The following SFXN1 variants were observed in gnomAD, a reference collection of about 807,000 sequenced individuals.
SFXN1 encodes the protein sideroflexin-1.
Under a neutral mutation model 39.5 loss-of-function variants are expected in SFXN1, and 32 were observed. The observed-to-expected ratio is 0.81, with a 90% CI of 0.61 to 1.09. The LOEUF (loss-of-function observed/expected upper bound fraction) is 1.09. SFXN1 is among the 50% of genes least tolerant of loss of function. The pLI is 0.00. For missense variants in SFXN1, 402 were observed against 407.1 expected (o/e 0.99, Z 0.11); for synonymous variants, 136 against 146.5 (o/e 0.93, Z 0.52).
At chr5:175,511,766 C>G (rs1421548823) in intron 5 of SFXN1, among the ~76,000 whole-genome samples, 1 of 152,096 alleles carries the variant, frequency 6.6e-6, no homozygotes, top group Non-Finnish European at 1.5e-5. Flanking sequence ...AAATGTTCAC[C>G]CATCCTGACA....
chr5:175,493,255 A>G (rs1330753552), intron 2 of SFXN1, among the ~76,000 whole-genome samples: 2 of 151,700 alleles, frequency 1.3e-5, no homozygotes, highest in Admixed American at 6.6e-5. Context: ...GCGAAACTCC[A>G]TCTAAAAAAA....
intron 1 of SFXN1, among the ~76,000 whole-genome samples, chr5:175,489,958 T>C (rs1487112907): frequency 6.6e-6 from 1 of 152,222 alleles, no homozygotes; most frequent in Non-Finnish European, 1.5e-5. Context: ...TAGAGATTTT[T>C]CTCAGAAAAT....
At chr5:175,513,726 A>C in intron 7 of SFXN1, 136 bp downstream of exon 7, 1 of 867,554 alleles carries the variant, frequency 1.2e-6, no homozygotes, top group Non-Finnish European at 1.8e-6. Context: ...GAAAATAAAC[A>C]AGTAAATAAA....
At chr5:175,490,312 G>A (rs1034057213) in intron 1 of SFXN1, among the ~76,000 whole-genome samples, 6 of 152,170 alleles carry the variant, frequency 3.9e-5, no homozygotes, top group Non-Finnish European at 7.4e-5. Flanking sequence ...TAGGCTTCCC[G>A]TTAGCTTTGT....
At chr5:175,480,581 C>T (rs552214769) in intron 1 of SFXN1, among the ~76,000 whole-genome samples, 1 of 152,308 alleles carries the variant, frequency 6.6e-6, no homozygotes, top group East Asian at 1.9e-4. Flanking sequence ...AATTCAGGAT[C>T]AGTGAAGTGT....
At chr5:175,498,008 A>G (rs577044385) in intron 2 of SFXN1, among the ~76,000 whole-genome samples, 16 of 151,894 alleles carry the variant, frequency 1.1e-4, no homozygotes, top group Non-Finnish European at 2.4e-4. Flanking sequence ...TTGATAGATC[A>G]TCTAATCACA....
intron 6 of SFXN1, among the ~76,000 whole-genome samples, chr5:175,513,143 A>G (rs1190390813): frequency 1.3e-5 from 2 of 152,048 alleles, no homozygotes; most frequent in Non-Finnish European, 2.9e-5. Flanking sequence ...TCTACTAAAA[A>G]TACAAAAATT....
Position 175,519,805 on chromosome 5 carries a change from C to A in SFXN1, c.775-2114C>A, listed in dbSNP as rs139611937. Among the ~76,000 whole-genome samples the A allele has an allele frequency of 1.4e-3, 212 of 148,122 alleles. 4 individuals are homozygous for A. The highest frequency in any genetic ancestry group is 5.1e-3 in the African/African-American group (204 of 40,076). On this transcript the variant is annotated intron_variant, in intron 8 of 10. Transcript: ENST00000321442. ...TATGGGCAGTTGTATGTCAATAAAG[C>A]TATTAGATCACTGGGGAAGAAAGAA... is the stretch of plus-strand genomic sequence containing the variant.
chr5:175,498,712 T>G (rs1224534831), intron 2 of SFXN1, among the ~76,000 whole-genome samples: 1 of 152,074 alleles, frequency 6.6e-6, no homozygotes, highest in Non-Finnish European at 1.5e-5. Context: ...TAAAGCCTAC[T>G]GTATAGCTTT....
rs771042074 is a variant in SFXN1, at chr5:175,524,125, AATATATATATAT to A, written c.872+1738_872+1749del. The A allele has an allele frequency of 7.9e-3, 254 of 32,334 alleles. 1 individual carries two copies. The highest frequency in any genetic ancestry group is 0.023 in the African/African-American group (152 of 6,610). The allele number at this position is 32,334 out of a possible 1,614,324, so 2.0% of individuals were successfully genotyped here. A position where few individuals can be genotyped will look rare whatever the true frequency, so the allele number is the denominator to read the frequency against. ...TCTCAAAAAAAAAAAAAAAAAAAAAAATATATATATATATATATATATATATATATATATATA... is the reference window on the plus strand; with the variant it reads ...TCTCAAAAAAAAAAAAAAAAAAAAAAATATATATATATATATATATATATA... On this transcript the variant is annotated intron_variant, in intron 10 of 10. Coordinates refer to ENST00000321442, the MANE Select transcript of SFXN1 (RefSeq NM_022754.7).
intron 1 of SFXN1, among the ~76,000 whole-genome samples, chr5:175,482,052 A>C (rs957359373): frequency 6.6e-6 from 1 of 152,156 alleles, no homozygotes; most frequent in African/African-American, 2.4e-5. Context: ...CATGGTACTA[A>C]ATTTCTCCGA....
chr5:175,517,587 A>C (rs1482776884), intron 8 of SFXN1, among the ~76,000 whole-genome samples: 3 of 152,170 alleles, frequency 2.0e-5, no homozygotes, highest in African/African-American at 7.2e-5. Context: ...GTACCCATAC[A>C]TACCTACCAC....
Position 175,513,527 on chromosome 5 carries a change from G to A in SFXN1, c.661G>A (p.Ala221Thr), listed in dbSNP as rs753529247. 14 of 1,613,796 alleles carry A rather than the reference G, an allele frequency of 8.7e-6. No individual in the cohort carries two copies. The highest frequency in any genetic ancestry group is 1.6e-4 in the Middle Eastern group (1 of 6,084). ...GAACCGCTTGGGGGAGTCGGCGAAC[G>A]CTGCGAAACAAGCCATCACGCAAGT... Reference protein sequence around the residue: ...NGNRLGESANAAKQAITQVVV... With the variant: ...NGNRLGESANTAKQAITQVVV... Residue 221 changes from alanine to threonine, a missense_variant, in exon 7 of 11, where the codon GCT (alanine) becomes ACT (threonine). Coordinates refer to ENST00000321442, the MANE Select transcript of SFXN1 (RefSeq NM_022754.7).
At chr5:175,493,186 G>A (rs1276781087) in intron 2 of SFXN1, among the ~76,000 whole-genome samples, 2 of 152,044 alleles carry the variant, frequency 1.3e-5, no homozygotes, top group Non-Finnish European at 2.9e-5. Flanking sequence ...CCAGGAGGCA[G>A]AGCCGGCAGT....
chr5:175,490,134 T>C (rs1340028554), intron 1 of SFXN1, among the ~76,000 whole-genome samples: 2 of 152,208 alleles, frequency 1.3e-5, no homozygotes, highest in East Asian at 3.8e-4. Context: ...GCCAGCTTTC[T>C]ATGTCAAGAG....
chr5:175,500,129 A>G (rs560753399), intron 2 of SFXN1, among the ~76,000 whole-genome samples: 33 of 152,196 alleles, frequency 2.2e-4, no homozygotes, highest in Non-Finnish European at 4.6e-4. Context: ...TGGAGGTTGC[A>G]GTGAGCTGAG....
At chr5:175,505,571 A>AATAATAATAATAATAATT (rs1365757735) in intron 2 of SFXN1, among the ~76,000 whole-genome samples, 97 of 135,756 alleles carry the variant, frequency 7.1e-4, no homozygotes, top group Admixed American at 2.2e-3. Flanking sequence ...TAATAATAAT[A>AATAATAATAATAATAATT]ATTCTAAGGT....
chr5:175,506,113 C>G (rs535200655), intron 2 of SFXN1, among the ~76,000 whole-genome samples: 2 of 152,150 alleles, frequency 1.3e-5, no homozygotes, highest in Admixed American at 1.3e-4. Context: ...CCATTGTGCT[C>G]GGTCCACATT....
intron 1 of SFXN1, among the ~76,000 whole-genome samples, chr5:175,478,942 G>T (rs951569876): frequency 6.6e-6 from 1 of 152,126 alleles, no homozygotes; most frequent in South Asian, 2.1e-4. Context: ...GTCCCCGCGC[G>T]CCTGGCCGCG....
Sources: allele counts gnomAD v4.1 joint callset (sites outside exome capture counted in the v4.1 genomes callset), GRCh38; gene constraint gnomAD v4.1.1; transcripts MANE v1.5; gene names NCBI Gene and HGNC (gene_info 2026-07-23, HGNC 2026-07-21).